Variants in NKAIN2 observed in about 807,000 individuals in gnomAD.
NKAIN2 encodes the protein sodium/potassium transporting ATPase interacting 2, also known as sodium/potassium-transporting ATPase subunit beta-1-interacting protein 2.
NKAIN2 carries 14 observed loss-of-function variants against 32.6 expected under a neutral mutation model. The observed-to-expected ratio is 0.43, with a 90% confidence interval of 0.28 to 0.67. The LOEUF (loss-of-function observed/expected upper bound fraction) is 0.67. Among genes scored for constraint, NKAIN2 ranks in the 30% least tolerant of loss-of-function variants. NKAIN2 has a pLI of 0.17. For missense variants in NKAIN2, 198 were observed against 258.3 expected (o/e 0.77, Z 1.60); for synonymous variants, 80 against 87.2 (o/e 0.92, Z 0.46).
chr6:124,473,946 G>T (rs529878217), intron 3 of NKAIN2, among the ~76,000 whole-genome samples: 52 of 152,254 alleles, frequency 3.4e-4, no homozygotes, highest in Non-Finnish European at 2.9e-5. Context: ...ATATTATTCA[G>T]GTGCTGCTAA....
At chr6:124,661,466 G>A (rs1305771198) in intron 4 of NKAIN2, among the ~76,000 whole-genome samples, 1 of 152,126 alleles carries the variant, frequency 6.6e-6, no homozygotes, top group African/African-American at 2.4e-5. Context: ...TCACCCTGTT[G>A]TTCGGTTTTC....
chr6:124,110,512 A>G (rs1785334058), intron 1 of NKAIN2, among the ~76,000 whole-genome samples: 1 of 152,018 alleles, frequency 6.6e-6, no homozygotes. Flanking sequence ...TGATGAGCAT[A>G]ATAACCAGTA....
intron 6 of NKAIN2, among the ~76,000 whole-genome samples, chr6:124,821,893 A>G (rs1781409374): frequency 6.6e-6 from 1 of 152,196 alleles, no homozygotes; most frequent in Non-Finnish European, 1.5e-5. Flanking sequence ...TAAAAGGAAA[A>G]CAAAAGTCAC....
At chr6:124,126,233 C>T (rs1424748057) in intron 1 of NKAIN2, among the ~76,000 whole-genome samples, 5 of 152,152 alleles carry the variant, frequency 3.3e-5, no homozygotes, top group African/African-American at 1.2e-4. Context: ...AAAAATATTT[C>T]AGTCACACCT....
chr6:124,060,145 A>G (rs921526053), intron 1 of NKAIN2, among the ~76,000 whole-genome samples: 7 of 152,172 alleles, frequency 4.6e-5, no homozygotes, highest in African/African-American at 2.4e-5. Context: ...GGTTAACTCC[A>G]CTGCTGTGTG....
intron 1 of NKAIN2, among the ~76,000 whole-genome samples, chr6:124,050,639 C>A (rs948498127): frequency 1.3e-5 from 2 of 151,940 alleles, no homozygotes; most frequent in Admixed American, 1.3e-4. Context: ...AGCTACAGTA[C>A]GGTCAGTTTG....
At chr6:124,502,399 A>T (rs1475780624) in intron 3 of NKAIN2, among the ~76,000 whole-genome samples, 1 of 152,200 alleles carries the variant, frequency 6.6e-6, no homozygotes, top group Admixed American at 6.5e-5. Flanking sequence ...TCTTCCTGCC[A>T]CTTCTTGAGT....
chr6:124,517,760 T>C (rs1261470564), intron 3 of NKAIN2, among the ~76,000 whole-genome samples: 1 of 152,200 alleles, frequency 6.6e-6, no homozygotes, highest in Non-Finnish European at 1.5e-5. Context: ...ATATGACTAA[T>C]TTTAAAGCAA....
chr6:123,842,371 G>A (rs554688285), intron 1 of NKAIN2, among the ~76,000 whole-genome samples: 1 of 152,166 alleles, frequency 6.6e-6, no homozygotes, highest in South Asian at 2.1e-4. Context: ...CTTATGTGGT[G>A]GAGTAAAAGT....
intron 3 of NKAIN2, among the ~76,000 whole-genome samples, chr6:124,497,018 C>T (rs542262527): frequency 8.6e-5 from 13 of 152,030 alleles, no homozygotes; most frequent in Admixed American, 4.6e-4. Context: ...CATCTCACTG[C>T]GGCCAGAAGC....
intron 1 of NKAIN2, among the ~76,000 whole-genome samples, chr6:123,887,176 A>G (rs1037789767): frequency 3.0e-5 from 4 of 133,774 alleles, no homozygotes; most frequent in Non-Finnish European, 6.6e-5. Flanking sequence ...TTATGTCCCT[A>G]GTGGGCACTT....
At chr6:124,229,571 C>T (rs1792337270) in intron 1 of NKAIN2, among the ~76,000 whole-genome samples, 1 of 150,122 alleles carries the variant, frequency 6.7e-6, no homozygotes, top group Non-Finnish European at 1.5e-5. Context: ...CAGGGTTTGG[C>T]TCTGTGTCCC....
At chr6:123,900,532 GTTT>G (rs34370743) in intron 1 of NKAIN2, among the ~76,000 whole-genome samples, 4 of 32,790 alleles carry the variant, frequency 1.2e-4, no homozygotes, top group Admixed American at 6.3e-4. Context: ...CTCCAGATTA[GTTT>G]TTTTTTTTTT....
intron 4 of NKAIN2, among the ~76,000 whole-genome samples, chr6:124,789,976 C>T (rs1299393781): frequency 2.0e-5 from 3 of 151,970 alleles, no homozygotes; most frequent in Admixed American, 2.0e-4. Flanking sequence ...CTTCCCTCTC[C>T]TCCAGGATCT....
intron 1 of NKAIN2, among the ~76,000 whole-genome samples, chr6:123,962,597 T>G (rs1020202088): frequency 6.6e-6 from 1 of 152,200 alleles, no homozygotes; most frequent in Non-Finnish European, 1.5e-5. Flanking sequence ...AGTCACCGAA[T>G]TTCACTTTTC....
chr6:124,777,870 A>G (rs975260986), intron 4 of NKAIN2, among the ~76,000 whole-genome samples: 1 of 152,126 alleles, frequency 6.6e-6, no homozygotes, highest in Non-Finnish European at 1.5e-5. Context: ...GAATTCAGCC[A>G]TCCTTCATAA....
At chr6:124,400,723 C>T (rs1164225124) in intron 3 of NKAIN2, among the ~76,000 whole-genome samples, 1 of 152,116 alleles carries the variant, frequency 6.6e-6, no homozygotes, top group African/African-American at 2.4e-5. Context: ...CACTTTCACA[C>T]TTCAAACAGA....
At chr6:124,153,933 C>CTT (rs1787855728) in intron 1 of NKAIN2, among the ~76,000 whole-genome samples, 1 of 52,210 alleles carries the variant, frequency 1.9e-5, no homozygotes, top group Non-Finnish European at 6.1e-5. Flanking sequence ...GTTATCTATT[C>CTT]CTTTTTTTTT....
At chr6:124,544,363 A>T (rs1780016926) in intron 3 of NKAIN2, among the ~76,000 whole-genome samples, 1 of 151,908 alleles carries the variant, frequency 6.6e-6, no homozygotes, top group Non-Finnish European at 1.5e-5. Context: ...TCTTTGCAAG[A>T]TGGAGGAGAA....
Sources: allele counts gnomAD v4.1 joint callset (sites outside exome capture counted in the v4.1 genomes callset), GRCh38; gene constraint gnomAD v4.1.1; transcripts MANE v1.5; gene names NCBI Gene and HGNC (gene_info 2026-07-23, HGNC 2026-07-21).